The following FBLN1 variants were observed in gnomAD, a reference collection of about 807,000 sequenced individuals.
FBLN1 encodes the protein fibulin 1.
FBLN1 carries 34 observed loss-of-function variants against 89.7 expected under a neutral mutation model. That is an observed-to-expected ratio of 0.38 (90% confidence interval 0.29 to 0.50). FBLN1 has a LOEUF of 0.50. Ranked by LOEUF, FBLN1 falls within the 20% of genes least tolerant of loss-of-function variation. The probability of loss-of-function intolerance (pLI) is 0.92; values close to 1 mark genes in which losing one functional copy is unlikely to be tolerated. For missense variants in FBLN1, 777 were observed against 988.1 expected, an observed-to-expected ratio of 0.79 and a Z score of 2.86; for synonymous variants, 393 against 391.3, an observed-to-expected ratio of 1.00 and a Z score of -0.05.
chr22:45,550,628 G>A lies in FBLN1; in HGVS notation c.1697+13G>A. ...GCTCCGCAGCCACGTAAGTCCCTTGGACCATGCCATCGTCGTCTGTCTGTG... is the reference window on the plus strand; with the variant it reads ...GCTCCGCAGCCACGTAAGTCCCTTGAACCATGCCATCGTCGTCTGTCTGTG... On this transcript the variant is annotated intron_variant, in intron 14 of 16. Coordinates refer to ENST00000327858, the MANE Select transcript of FBLN1 (RefSeq NM_006486.3). The surrounding 1 kb of genome is among the most constrained non-coding windows in gnomAD (Gnocchi z 8.4). 1.9e-6 allele frequency: 3 copies of A among 1,614,026 alleles called. No homozygotes were observed. Among genetic ancestry groups the A allele is most frequent in the Non-Finnish European group, 2.5e-6 (3 of 1,180,040 alleles).
Position 45,525,644 on chromosome 22 carries a change from G to A in FBLN1, c.287G>A (p.Gly96Asp), listed in dbSNP as rs1377182216. The A allele has an allele frequency of 6.4e-7, 1 of 1,551,350 alleles. No homozygotes were observed. Among genetic ancestry groups the A allele is most frequent in the Non-Finnish European group, 8.7e-7 (1 of 1,147,000 alleles). ...CAGGACCGCTGTGCCACGCCCCACG[G>A]TGACAACGCCAGCCTGGAGGCCACA... The part of the protein sequence containing the change: ...NEQDRCATPH[G>D]DNASLEATFV... The change falls in exon 3 of 17, where the codon GGT becomes GAT. Residue 96 changes from glycine (G) to aspartate (D), a missense_variant. Transcript: ENST00000327858.
rs1344664824 is a variant in FBLN1 at position 45,598,233 on chromosome 22, C to T, written c.1973-2074C>T. 2.0e-5 allele frequency among the ~76,000 whole-genome samples: 3 copies of T among 152,364 alleles called. 1 individual carries two copies. The highest frequency in any genetic ancestry group is 4.1e-4 in the South Asian group (2 of 4,826). The stretch of plus-strand genomic sequence containing the variant: ...CAGCTCACACCGTTCACACTGCTCA[C>T]ACCAGCTCTGGAGAGCTGCTTGTAC... On this transcript the variant is annotated intron_variant, in intron 16 of 16. Coordinates refer to ENST00000327858, the MANE Select transcript of FBLN1 (RefSeq NM_006486.3).
chr22:45,510,932 G>A (rs1039206285), intron 1 of FBLN1, among the ~76,000 whole-genome samples: 6 of 152,182 alleles, frequency 3.9e-5, no homozygotes, highest in African/African-American at 9.7e-5. Flanking sequence ...CAGTTACTCC[G>A]GCAGGCATGT....
chr22:45,553,847 C>T (rs1390602725), intron 14 of FBLN1, among the ~76,000 whole-genome samples: 1 of 152,188 alleles, frequency 6.6e-6, no homozygotes, highest in Admixed American at 6.5e-5. Context: ...CCTCCGCTTC[C>T]CTCTGGCAAA....
intron 14 of FBLN1, among the ~76,000 whole-genome samples, chr22:45,567,333 G>GGGCCAGGT (rs2088908438): frequency 2.0e-5 from 3 of 152,224 alleles, no homozygotes; most frequent in Admixed American, 2.0e-4. Context: ...TATGCAAAAT[G>GGGCCAGGT]GGCCAGGTGC....
chr22:45,565,371 T>C, intron 14 of FBLN1: 1 of 1,034,754 alleles, frequency 9.7e-7, no homozygotes, highest in South Asian at 1.6e-5. Context: ...GCTTGTACCC[T>C]GGCCCCACGG....
chr22:45,591,272 G>A (rs1410058764), intron 16 of FBLN1, among the ~76,000 whole-genome samples: 4 of 152,184 alleles, frequency 2.6e-5, no homozygotes, highest in South Asian at 2.1e-4. Context: ...CTGCGTTTGC[G>A]ATGAGAGGAG....
Position 45,577,099 on chromosome 22 carries a change from A to G in FBLN1, c.1963A>G (p.Met655Val). Residue 655 changes from methionine (M) to valine (V), a missense_variant, in exon 16 of 17, where the codon ATG (methionine) becomes GTG (valine). By Grantham distance (21) the Met-to-Val change is conservative. Transcript: ENST00000327858. This position sits in a 1 kb window ranked among gnomAD's most constrained non-coding sequence, Gnocchi z 6.6. ...FDIIKRYMDG[M>V]TVGVVRQVRP... ...CATCATCAAGCGTTACATGGACGGC[A>G]TGACCGTGGGTGAGTGGCTGGGAAT... 1 of 1,614,072 alleles carries G rather than the reference A, an allele frequency of 6.2e-7. No individual in the cohort carries two copies. Among genetic ancestry groups the G allele is most frequent in the South Asian group, 1.1e-5 (1 of 91,084 alleles).
At chr22:45,598,814 G>T (rs2089207557) in intron 16 of FBLN1, among the ~76,000 whole-genome samples, 1 of 152,264 alleles carries the variant, frequency 6.6e-6, no homozygotes, top group African/African-American at 2.4e-5. Context: ...CTGATGCCTT[G>T]GCAGATGCTG....
intron 14 of FBLN1, among the ~76,000 whole-genome samples, chr22:45,568,432 T>C (rs62225030): frequency 0.073 from 4,839 of 66,502 alleles, 406 homozygotes; most frequent in African/African-American, 0.14. Flanking sequence ...AGGGGAGTGC[T>C]CCTTCTGTAG....
At chr22:45,518,950 C>T (rs1374609964) in intron 2 of FBLN1, among the ~76,000 whole-genome samples, 163 bp downstream of exon 2, 1 of 152,174 alleles carries the variant, frequency 6.6e-6, no homozygotes, top group African/African-American at 2.4e-5. Context: ...TGCCTCCCTC[C>T]TGGCACCGGC....
rs867399806 is a variant in FBLN1, at chr22:45,557,988, G to A, written c.1697+7373G>A. The A allele has an allele frequency of 1.4e-6, 1 of 708,434 alleles. No individual in the cohort carries two copies. Among genetic ancestry groups the A allele is most frequent in the Non-Finnish European group, 2.6e-6 (1 of 380,634 alleles). 43.9% of individuals were successfully genotyped at this position (708,434 alleles called of 1,614,324 possible). On this transcript the variant is annotated intron_variant, in intron 14 of 16. Transcript: ENST00000327858. This position sits in a 1 kb window ranked among gnomAD's most constrained non-coding sequence, Gnocchi z 4.9. ...TGTCCTAGAAAGGGGCAGTAGTGCT[G>A]CAGCTGTCCACTTTCGGGTGGTGCC... is the stretch of plus-strand genomic sequence containing the variant.
chr22:45,541,137 G>T, intron 8 of FBLN1, 92 bp from the exon 9 acceptor site: 3 of 1,535,728 alleles, frequency 2.0e-6, no homozygotes, highest in Non-Finnish European at 2.7e-6. Context: ...TTGCAAAGAG[G>T]TGGGAAGGGG....
chr22:45,542,410 G>A (rs2146981875), intron 10 of FBLN1, 127 bp downstream of exon 10: 2 of 1,330,550 alleles, frequency 1.5e-6, no homozygotes, highest in Admixed American at 1.8e-5. Context: ...GGCAGACCCT[G>A]AGAGAAGATC....
intron 3 of FBLN1, among the ~76,000 whole-genome samples, chr22:45,527,060 G>C (rs16994144): frequency 0.056 from 8,507 of 152,334 alleles, 474 homozygotes; most frequent in Admixed American, 0.16. Flanking sequence ...TCTGGCAGCG[G>C]AGGGCGTAGA....
intron 14 of FBLN1, among the ~76,000 whole-genome samples, chr22:45,573,575 G>A (rs995853758): frequency 6.6e-6 from 1 of 151,124 alleles, no homozygotes; most frequent in African/African-American, 2.4e-5. Flanking sequence ...CAGCTACTCA[G>A]GAGGCTGAGG....
chr22:45,559,726 C>G (rs1569256481), intron 14 of FBLN1, among the ~76,000 whole-genome samples: 1 of 152,210 alleles, frequency 6.6e-6, no homozygotes, highest in Non-Finnish European at 1.5e-5. Flanking sequence ...TGGAATCAAC[C>G]TCAGCTCAGA....
intron 1 of FBLN1, among the ~76,000 whole-genome samples, chr22:45,508,451 C>T (rs1449279154): frequency 3.3e-5 from 5 of 151,940 alleles, no homozygotes; most frequent in South Asian, 2.1e-4. Flanking sequence ...TTAGTAGAGA[C>T]GGGGTTTCAC....
In FBLN1 at chr22:45,533,091, A is replaced by G; in HGVS notation, c.573A>G (p.Arg191=). 6.2e-7 allele frequency: 1 copy of G among 1,614,182 alleles called. No homozygotes were observed. The highest frequency in any genetic ancestry group is 8.5e-7 in the Non-Finnish European group (1 of 1,180,028). ...GCGGGCCCTGCAAGCAGCAGTGCCG[A>G]GACACGGGTGACGAGGTGGTCTGCT... ...RGGGPCKQQC[R]DTGDEVVCSC... The change falls in exon 6 of 17, where the codon CGA becomes CGG. Residue 191 remains arginine, a synonymous_variant. Transcript: ENST00000327858.
Sources: allele counts gnomAD v4.1 joint callset (sites outside exome capture counted in the v4.1 genomes callset), GRCh38; gene constraint gnomAD v4.1.1; non-coding constraint Gnocchi (gnomAD v3.1); transcripts MANE v1.5; gene names NCBI Gene and HGNC (gene_info 2026-07-23, HGNC 2026-07-21).